ATP6V1C2: variants seen among roughly 807,000 people sequenced by gnomAD.
ATP6V1C2 encodes the protein V-type proton ATPase subunit C 2.
Under a neutral mutation model 56.8 loss-of-function variants are expected in ATP6V1C2, and 45 were observed. The observed-to-expected ratio is 0.79, with a 90% CI of 0.62 to 1.02. The LOEUF is 1.02. ATP6V1C2 is among the 50% of genes least tolerant of loss of function. The pLI, the probability that ATP6V1C2 is intolerant of heterozygous loss-of-function variation, is 0.00. For synonymous variants in ATP6V1C2, 220 were observed against 201.3 expected, an observed-to-expected ratio of 1.09 and a Z score of -0.79; for missense variants, 463 against 519.7, an observed-to-expected ratio of 0.89 and a Z score of 1.06.
chr2:10,733,133 G>A (rs1026717051), intron 3 of ATP6V1C2, among the ~76,000 whole-genome samples: 2 of 152,134 alleles, frequency 1.3e-5, no homozygotes, highest in African/African-American at 4.8e-5. Flanking sequence ...TTCCTTGTGG[G>A]TATATATTCT....
At chr2:10,727,047 TCC>T (rs1661680535) in intron 3 of ATP6V1C2, among the ~76,000 whole-genome samples, 1 of 142,782 alleles carries the variant, frequency 7.0e-6, no homozygotes, top group Admixed American at 6.8e-5. Flanking sequence ...CTTCCTTCCT[TCC>T]TTCCTCCCTC....
At chr2:10,737,543 A>G (rs1202110344) in intron 3 of ATP6V1C2, among the ~76,000 whole-genome samples, 2 of 152,158 alleles carry the variant, frequency 1.3e-5, no homozygotes, top group East Asian at 3.8e-4. Flanking sequence ...GGGTGTCTGA[A>G]ATGGGTGTGT....
In ATP6V1C2 at chr2:10,763,217, C is replaced by T. The variant is rs567179164; in HGVS notation, c.284-1114C>T. 1.3e-5 allele frequency among the ~76,000 whole-genome samples: 2 copies of T among 152,298 alleles called. No homozygotes were observed. The highest frequency in any genetic ancestry group is 4.1e-4 in the South Asian group (2 of 4,824). On this transcript the variant is annotated intron_variant, in intron 4 of 13. Transcript: ENST00000272238. This position sits in a 1 kb window ranked among gnomAD's most constrained non-coding sequence, Gnocchi z 4.2. ...CCCCGAGTACGTAGCGCTGCCAGCCCTCCTCACCTGACACCCGGCGCCCTC... is the reference window on the plus strand; with the variant it reads ...CCCCGAGTACGTAGCGCTGCCAGCCTTCCTCACCTGACACCCGGCGCCCTC...
chr2:10,758,934 T>A (rs1312050871), intron 4 of ATP6V1C2, among the ~76,000 whole-genome samples: 1 of 152,242 alleles, frequency 6.6e-6, no homozygotes, highest in African/African-American at 2.4e-5. Context: ...CCCAAAGTGC[T>A]GGGATTACAA....
In ATP6V1C2 at chr2:10,772,530, A is replaced by G; in HGVS notation, c.570-12A>G. On this transcript the variant is annotated splice_polypyrimidine_tract_variant and intron_variant, in intron 7 of 13. Coordinates refer to ENST00000272238, the MANE Select transcript of ATP6V1C2 (RefSeq NM_001039362.2). ...CTGCAAAAAATCACGTAACGATTCT[A>G]TGTTCTTGCAGACCAAACTACTCAC... 2 of 1,611,794 alleles carry G rather than the reference A, an allele frequency of 1.2e-6. No homozygotes were observed. Among genetic ancestry groups the G allele is most frequent in the Non-Finnish European group, 1.7e-6 (2 of 1,177,942 alleles).
Position 10,784,174 on chromosome 2 carries a change from G to A in ATP6V1C2, c.*911G>A, listed in dbSNP as rs1665577316. On this transcript the variant is annotated 3_prime_UTR_variant, in exon 14 of 14. Coordinates refer to ENST00000272238, the MANE Select transcript of ATP6V1C2 (RefSeq NM_001039362.2). ...TAAAAGGCCACTGGTAGAGTCATCT[G>A]AGTGTAGAGAATGTCCCTTCACTGC... is the stretch of plus-strand genomic sequence containing the variant. 8.2e-6 allele frequency: 8 copies of A among 979,904 alleles called. No individual in the cohort carries two copies. The East Asian group carries it at 1.9e-4, about 24-fold the overall frequency. 60.7% of individuals were successfully genotyped at this position (979,904 alleles called of 1,614,324 possible). A position where few individuals can be genotyped will look rare whatever the true frequency, so the allele number is the denominator to read the frequency against.
At chr2:10,737,729 G>A (rs554168909) in intron 3 of ATP6V1C2, among the ~76,000 whole-genome samples, 6 of 152,240 alleles carry the variant, frequency 3.9e-5, no homozygotes, top group East Asian at 3.9e-4. Flanking sequence ...TCACTCTGTC[G>A]CCCAGGCTGG....
chr2:10,726,384 C>A, intron 2 of ATP6V1C2, 118 bp from the exon 3 acceptor site: 1 of 797,360 alleles, frequency 1.3e-6, no homozygotes, highest in Non-Finnish European at 2.2e-6. Flanking sequence ...TCCACTTTGG[C>A]CATTGACCAA....
intron 10 of ATP6V1C2, among the ~76,000 whole-genome samples, chr2:10,777,072 T>C (rs947253119): frequency 2.0e-5 from 3 of 152,344 alleles, no homozygotes; most frequent in South Asian, 2.1e-4. Context: ...CAGAGTGGGA[T>C]GTCCCTGTGT....
intron 3 of ATP6V1C2, among the ~76,000 whole-genome samples, chr2:10,728,015 G>C (rs894037464): frequency 1.3e-5 from 2 of 152,172 alleles, no homozygotes; most frequent in African/African-American, 4.8e-5. Flanking sequence ...AAGCCTTCCA[G>C]AGATAGCCAA....
chr2:10,771,283 C>T (rs766070470), intron 6 of ATP6V1C2, among the ~76,000 whole-genome samples: 35 of 152,166 alleles, frequency 2.3e-4, no homozygotes, highest in Admixed American at 2.3e-3. Context: ...TTTACTGATC[C>T]GACAGCCTTG....
At chr2:10,728,733 C>T (rs2148410194) in intron 3 of ATP6V1C2, among the ~76,000 whole-genome samples, 1 of 150,134 alleles carries the variant, frequency 6.7e-6, no homozygotes, top group East Asian at 2.0e-4. Flanking sequence ...CAAGATCATG[C>T]CACGGCACTC....
intron 5 of ATP6V1C2, 92 bp from the exon 6 acceptor site, chr2:10,768,627 A>T: frequency 9.8e-7 from 1 of 1,023,764 alleles, no homozygotes; most frequent in Non-Finnish European, 1.5e-6. Context: ...ATTTTTCTTG[A>T]AAGCACCATG....
chr2:10,778,112 CTT>C (rs922681309), intron 11 of ATP6V1C2, among the ~76,000 whole-genome samples: 2 of 152,128 alleles, frequency 1.3e-5, no homozygotes, highest in Non-Finnish European at 2.9e-5. Context: ...CTCCAAGACT[CTT>C]GAGCTCCCAG....
rs542240839 is a variant in ATP6V1C2 at position 10,723,046 on chromosome 2, T to C, written c.129+68T>C. The stretch of plus-strand genomic sequence containing the variant: ...GGGGGAGACAGGAGAGGGAGACAGG[T>C]TGCTACCTCAGGAAGCCAAGGAGAA... On this transcript the variant is annotated intron_variant, in intron 2 of 13. Coordinates refer to ENST00000272238, the MANE Select transcript of ATP6V1C2 (RefSeq NM_001039362.2). The C allele has an allele frequency of 3.2e-6, 5 of 1,579,532 alleles. No homozygotes were observed. In the African/African-American group the frequency reaches 4.1e-5, roughly 13 times the overall value.
Position 10,777,740 on chromosome 2 carries a change from A to C in ATP6V1C2, c.963+18A>C. The stretch of plus-strand genomic sequence containing the variant: ...AGGGTGAGGTAAGCAACGCCCCGGG[A>C]ACCCCGGGGTCCCTGGCTCACATCT... On this transcript the variant is annotated intron_variant, in intron 11 of 13. Transcript: ENST00000272238. The C allele has an allele frequency of 6.3e-7, 1 of 1,597,194 alleles. No homozygotes were observed. The highest frequency in any genetic ancestry group is 8.5e-7 in the Non-Finnish European group (1 of 1,174,796).
chr2:10,724,838 A>C (rs1271997378), intron 2 of ATP6V1C2, among the ~76,000 whole-genome samples: 1 of 151,962 alleles, frequency 6.6e-6, no homozygotes, highest in Non-Finnish European at 1.5e-5. Flanking sequence ...ATGCCTGGCT[A>C]GTTTTTGTAT....
intron 8 of ATP6V1C2, among the ~76,000 whole-genome samples, chr2:10,773,507 C>A (rs114117916): frequency 1.3e-5 from 2 of 152,288 alleles, no homozygotes; most frequent in African/African-American, 4.8e-5. Context: ...CTCAGCCTCT[C>A]AAGTAGCTGG....
chr2:10,750,579 T>C (rs1388184922), intron 3 of ATP6V1C2, among the ~76,000 whole-genome samples: 3 of 151,658 alleles, frequency 2.0e-5, no homozygotes, highest in Non-Finnish European at 2.9e-5. Context: ...CAAGGAGCAC[T>C]AAACAGTCAT....
Sources: gnomAD v4.1 joint callset for allele counts (sites outside exome capture counted in the v4.1 genomes callset) on GRCh38, gnomAD v4.1.1 for gene constraint, Gnocchi (gnomAD v3.1) non-coding constraint, MANE v1.5 for transcripts, NCBI Gene and HGNC (gene_info 2026-07-23, HGNC 2026-07-21) for gene names.